Variants in FAM228B observed in about 807,000 individuals in gnomAD.
The protein encoded by FAM228B is family with sequence similarity 228 member B.
FAM228B carries 38 observed loss-of-function variants against 42.6 expected under a neutral mutation model. The ratio of observed to expected loss-of-function variants is 0.89; its 90% CI spans 0.69 to 1.17. The LOEUF is 1.17. FAM228B is among the 50% of genes most tolerant of loss of function. The pLI, the probability that FAM228B is intolerant of heterozygous loss-of-function variation, is 0.00. For synonymous variants in FAM228B, 109 were observed against 122.3 expected (o/e 0.89, Z 0.72); for missense variants, 344 against 367.3 (o/e 0.94, Z 0.52).
chr2:24,161,191 A>G (rs762131163), intron 7 of FAM228B, among the ~76,000 whole-genome samples: 41 of 152,210 alleles, frequency 2.7e-4, no homozygotes, highest in Admixed American at 2.6e-4. Context: ...CATGCCTATC[A>G]TCTCAGCACT....
chr2:24,162,161 C>A (rs1417288418), intron 8 of FAM228B, among the ~76,000 whole-genome samples: 1 of 152,006 alleles, frequency 6.6e-6, no homozygotes, highest in Non-Finnish European at 1.5e-5. Flanking sequence ...ACAGAAATAA[C>A]AAACACAGAA....
At chr2:24,085,465 C>T (rs960780552) in intron 2 of FAM228B, among the ~76,000 whole-genome samples, 3 of 152,112 alleles carry the variant, frequency 2.0e-5, no homozygotes. Context: ...TGGCCTCCCC[C>T]CACTACATAT....
chr2:24,118,805 G>A (rs758293332), upstream of FAM228B, among the ~76,000 whole-genome samples: 11 of 152,182 alleles, frequency 7.2e-5, no homozygotes, highest in East Asian at 5.8e-4. Flanking sequence ...CAGGGCACAT[G>A]GTAAGTACCT....
At chr2:24,083,106 C>T (rs1261396226) in intron 2 of FAM228B, 1 of 1,613,914 alleles carries the variant, frequency 6.2e-7, no homozygotes, top group Non-Finnish European at 8.5e-7. Context: ...TGCCTCAAGT[C>T]CCAAAATGTT....
At position 24,162,275 on chromosome 2, in the gene FAM228B, T is replaced by C. The variant is rs116032299; in HGVS notation, c.794+662T>C. On this transcript the variant is annotated intron_variant, in intron 8 of 10. Transcript: ENST00000615575. ...GGAGTTTGGGACTGGTTTGGGTGGG[T>C]AGTAGCTGTTACAATGTTGTACCTA... Among the ~76,000 whole-genome samples, 650 of 152,284 alleles carry C rather than the reference T, an allele frequency of 4.3e-3. 7 individuals are homozygous for C. Among genetic ancestry groups the C allele is most frequent in the African/African-American group, 0.015 (638 of 41,552 alleles).
chr2:24,159,646 T>TA (rs1180646969), intron 7 of FAM228B, among the ~76,000 whole-genome samples: 1 of 152,252 alleles, frequency 6.6e-6, no homozygotes, highest in Admixed American at 6.5e-5. Flanking sequence ...GGGAGACAGC[T>TA]ACAAAGAGGA....
rs749515205 is a variant in FAM228B, at chr2:24,084,142, G to C, written c.-210+3187G>C. 58 of 1,573,284 alleles carry C rather than the reference G, an allele frequency of 3.7e-5. No individual in the cohort carries two copies. Among genetic ancestry groups the C allele is most frequent in the Admixed American group, 2.6e-4 (15 of 57,056 alleles). On this transcript the variant is annotated intron_variant, in intron 2 of 10. Transcript: ENST00000613899. This position sits in a 1 kb window ranked among gnomAD's most constrained non-coding sequence, Gnocchi z 8.4. ...ATGTCCACTGAGTGCTGTTGAGAGG[G>C]AGGCTCTGGAGTCCCGCCCGCCCCG...
At position 24,092,924 on chromosome 2, in the gene FAM228B, G is replaced by GCACACACACACA. The variant is rs3030954; in HGVS notation, c.-209-2185_-209-2174dup. The stretch of plus-strand genomic sequence containing the variant: ...CCCATACACATATACATGATTTTAT[G>GCACACACACACA]CACACACACACACACACACACACAC... On this transcript the variant is annotated intron_variant, in intron 2 of 10. Coordinates refer to the FAM228B transcript ENST00000613899. 1.7e-3 allele frequency among the ~76,000 whole-genome samples: 228 copies of GCACACACACACA among 133,510 alleles called. 1 individual carries two copies. The highest frequency in any genetic ancestry group is 2.8e-3 in the Non-Finnish European group (172 of 62,476). 87.6% of individuals were successfully genotyped at this position (133,510 alleles called of 152,430 possible). A position where few individuals can be genotyped will look rare whatever the true frequency, so the allele number is the denominator to read the frequency against.
chr2:24,089,296 C>T (rs1665332779), intron 2 of FAM228B, among the ~76,000 whole-genome samples: 1 of 151,694 alleles, frequency 6.6e-6, no homozygotes, highest in South Asian at 2.1e-4. Context: ...AGCTGGGAAA[C>T]AAGAAATAGC....
chr2:24,115,587 C>T lies in FAM228B; in HGVS notation c.-120-19532C>T, dbSNP rs1665887601. ...CTTTCATGGGCCTCTGATGACTTAA[C>T]TTCCTTTTTTTCTTAGGTAGTCTCC... On this transcript the variant is annotated intron_variant, in intron 3 of 10. Coordinates refer to the FAM228B transcript ENST00000613899. 1 of 1,612,412 alleles carries T rather than the reference C, an allele frequency of 6.2e-7. No individual in the cohort carries two copies. The highest frequency in any genetic ancestry group is 1.3e-5 in the African/African-American group (1 of 74,976).
intron 3 of FAM228B, among the ~76,000 whole-genome samples, chr2:24,115,150 C>T (rs1665874396): frequency 6.6e-6 from 1 of 152,178 alleles, no homozygotes; most frequent in Non-Finnish European, 1.5e-5. Flanking sequence ...GCTTTTATAG[C>T]AAACAGTAAG....
Position 24,084,517 on chromosome 2 carries a change from C to G in FAM228B, c.-210+3562C>G. ...CTGCCCTGGTCTGCCGCGGACCCGG[C>G]CTCCGCCCCGAGCTCCTGCCTGGGA... On this transcript the variant is annotated intron_variant, in intron 2 of 10. Transcript: ENST00000613899. This position sits in a 1 kb window ranked among gnomAD's most constrained non-coding sequence, Gnocchi z 8.4. 1 of 747,892 alleles carries G rather than the reference C, an allele frequency of 1.3e-6. No homozygotes were observed. The highest frequency in any genetic ancestry group is 2.4e-5 in the South Asian group (1 of 42,322). The allele number at this position is 747,892 out of a possible 1,614,324, so 46.3% of individuals were successfully genotyped here.
intron 2 of FAM228B, chr2:24,082,750 A>G (rs1234235796): frequency 1.6e-6 from 2 of 1,239,412 alleles, no homozygotes; most frequent in East Asian, 2.6e-5. Flanking sequence ...CCCTTCTAAC[A>G]TGGTTTGAGG....
At position 24,124,359 on chromosome 2, in the gene FAM228B, A is replaced by C; in HGVS notation, c.-3A>C. ...TCCAGGGGCATTGTTATTTGTGACC[A>C]CAATGAAAAATGTAGACAGTGATGA... On this transcript the variant is annotated 5_prime_UTR_variant, in exon 2 of 11. Transcript: ENST00000615575. 1.3e-6 allele frequency: 2 copies of C among 1,538,022 alleles called. No individual in the cohort carries two copies. The highest frequency in any genetic ancestry group is 8.8e-7 in the Non-Finnish European group (1 of 1,141,144).
chr2:24,167,783 G>T, intron 10 of FAM228B, 100 bp downstream of exon 10: 1 of 1,378,912 alleles, frequency 7.3e-7, no homozygotes, highest in Non-Finnish European at 9.9e-7. Context: ...GTGGGAGGGA[G>T]GAAAGAGAAA....
chr2:24,147,167 A>G, intron 7 of FAM228B, 81 bp downstream of exon 7: 1 of 981,664 alleles, frequency 1.0e-6, no homozygotes, highest in Non-Finnish European at 1.4e-6. Context: ...TTTCATAGTT[A>G]TGATTTTTTA....
At chr2:24,120,201 G>A (rs1485111966), upstream of FAM228B, among the ~76,000 whole-genome samples, 1 of 152,080 alleles carries the variant, frequency 6.6e-6, no homozygotes, top group East Asian at 1.9e-4. Context: ...CCCAGGAGGT[G>A]GAGGTTGCAG....
At chr2:24,136,818 G>A (rs1332260610) in intron 3 of FAM228B, among the ~76,000 whole-genome samples, 4 of 151,972 alleles carry the variant, frequency 2.6e-5, no homozygotes, top group South Asian at 2.1e-4. Flanking sequence ...TGTACCATTC[G>A]GTGTCATTAA....
At chr2:24,114,435 G>A (rs1361768257) in intron 3 of FAM228B, among the ~76,000 whole-genome samples, 9 of 152,110 alleles carry the variant, frequency 5.9e-5, no homozygotes, top group Admixed American at 4.6e-4. Context: ...GGAAGGGTCA[G>A]ATGTAAGAGG....
Sources: allele counts gnomAD v4.1 joint callset (sites outside exome capture counted in the v4.1 genomes callset), GRCh38; gene constraint gnomAD v4.1.1; non-coding constraint Gnocchi (gnomAD v3.1); transcripts MANE v1.5; gene names NCBI Gene and HGNC (gene_info 2026-07-23, HGNC 2026-07-21).